The following NRDC variants were observed in gnomAD, a reference collection of about 807,000 sequenced individuals.
The protein encoded by NRDC is nardilysin.
Under a neutral mutation model 147.1 loss-of-function variants are expected in NRDC, and 54 were observed. That is an observed-to-expected ratio of 0.37 (90% CI 0.29 to 0.46). NRDC has a LOEUF of 0.46. Ranked by LOEUF, NRDC falls within the 20% of genes least tolerant of loss-of-function variation. The pLI is 1.00. For synonymous variants in NRDC, 440 were observed against 482.1 expected, an observed-to-expected ratio of 0.91 and a Z score of 1.14; for missense variants, 1,082 against 1,370.6, an observed-to-expected ratio of 0.79 and a Z score of 3.33.
chr1:51,847,903 G>A (rs1681734107), intron 1 of NRDC, among the ~76,000 whole-genome samples: 1 of 152,262 alleles, frequency 6.6e-6, no homozygotes, highest in African/African-American at 2.4e-5. Context: ...CGAGGGCTGT[G>A]AGGGCTGCCA....
At chr1:51,856,734 T>A (rs375264203) in intron 1 of NRDC, among the ~76,000 whole-genome samples, 2 of 151,956 alleles carry the variant, frequency 1.3e-5, no homozygotes, top group African/African-American at 4.8e-5. Flanking sequence ...CCTCCAAGGA[T>A]AGGGTGGGAC....
At chr1:51,871,783 C>T (rs1446821193) in intron 1 of NRDC, among the ~76,000 whole-genome samples, 1 of 152,134 alleles carries the variant, frequency 6.6e-6, no homozygotes, top group African/African-American at 2.4e-5. Flanking sequence ...TATCTGCTCC[C>T]TGACTCTCCT....
At chr1:51,791,023 CA>C (rs778318068) in intron 27 of NRDC, 33 bp from the exon 28 acceptor site, 1 of 1,466,318 alleles carries the variant, frequency 6.8e-7, no homozygotes, top group Non-Finnish European at 9.5e-7. Flanking sequence ...AGAACTAAAA[CA>C]AAACATCTTC....
chr1:51,800,408 G>A (rs1679137571), intron 21 of NRDC, 148 bp downstream of exon 21: 7 of 827,578 alleles, frequency 8.5e-6, no homozygotes, highest in Non-Finnish European at 1.3e-5. Context: ...ATACCGTAAC[G>A]CTATGCACGG....
In NRDC at chr1:51,831,751, G is replaced by A. The variant is rs373296039; in HGVS notation, c.866+2266C>T. On this transcript the variant is annotated intron_variant, in intron 4 of 30. Transcript: ENST00000352171. ...GCGCCACCACACCCAGCTAATTTTT[G>A]TATTTTTAGTAGAGATGGGGTTTCA... Among the ~76,000 whole-genome samples, 12 of 151,708 alleles carry A rather than the reference G, an allele frequency of 7.9e-5. No individual in the cohort carries two copies. In the South Asian group the frequency reaches 2.5e-3, roughly 32 times the overall value.
At chr1:51,806,704 A>G (rs908400066) in intron 18 of NRDC, 90 bp downstream of exon 18, 29 of 1,377,702 alleles carry the variant, frequency 2.1e-5, no homozygotes, top group Non-Finnish European at 2.6e-5. Flanking sequence ...AGGAAGATCA[A>G]AATAGCAAGT....
intron 2 of NRDC, among the ~76,000 whole-genome samples, chr1:51,836,899 T>C (rs1681005348): frequency 6.6e-6 from 1 of 151,984 alleles, no homozygotes; most frequent in Non-Finnish European, 1.5e-5. Flanking sequence ...TTTAACAAAA[T>C]TGATGGCCAA....
At chr1:51,828,052 T>G (rs1036058146) in intron 4 of NRDC, among the ~76,000 whole-genome samples, 183 bp from the exon 5 acceptor site, 1 of 152,232 alleles carries the variant, frequency 6.6e-6, no homozygotes, top group Non-Finnish European at 1.5e-5. Context: ...ACTTTTTCAT[T>G]GTGAAATATA....
At chr1:51,871,419 C>T (rs1367427140) in intron 1 of NRDC, among the ~76,000 whole-genome samples, 1 of 147,986 alleles carries the variant, frequency 6.8e-6, no homozygotes, top group Non-Finnish European at 1.5e-5. Flanking sequence ...AATAATTTCT[C>T]GAGTCTCCAA....
intron 1 of NRDC, among the ~76,000 whole-genome samples, chr1:51,857,816 A>C (rs1488322941): frequency 6.6e-6 from 1 of 152,170 alleles, no homozygotes; most frequent in East Asian, 1.9e-4. Flanking sequence ...AAATTTGCAG[A>C]GATTTTTGTG....
rs1455998791 is a variant in NRDC, at chr1:51,789,369, G to A, written c.3323C>T (p.Ser1108Phe). Reference protein sequence around the residue: ...DGTPSSEDSNSSCEVMQLTYL... With the variant: ...DGTPSSEDSNFSCEVMQLTYL... Reference sequence around the variant, plus strand: ...GGTCAGCTGCATCACTTCACAAGAAGAATTTGAATCCTCACTAGAAGGGGT... The same window carrying A: ...GGTCAGCTGCATCACTTCACAAGAAAAATTTGAATCCTCACTAGAAGGGGT... The change falls in exon 31 of 31, where the codon TCT becomes TTT. Residue 1108 changes from serine (S) to phenylalanine (F), a missense_variant. Ser to Phe is a radical substitution (Grantham distance 155). This residue lies in a region of NRDC where 187 missense variants were observed against 193.6 expected (regional missense o/e 0.97). Transcript: ENST00000352171. 1 of 1,614,122 alleles carries A rather than the reference G, an allele frequency of 6.2e-7. No individual in the cohort carries two copies.
intron 1 of NRDC, among the ~76,000 whole-genome samples, chr1:51,872,181 A>G (rs2124136181): frequency 6.6e-6 from 1 of 152,210 alleles, no homozygotes; most frequent in South Asian, 2.1e-4. Context: ...AGAAAAACAG[A>G]GAGTTTTTTG....
chr1:51,870,652 ACTTC>A (rs1266475312), intron 1 of NRDC, among the ~76,000 whole-genome samples: 3 of 152,216 alleles, frequency 2.0e-5, no homozygotes, highest in African/African-American at 7.2e-5. Flanking sequence ...CATACTCGTT[ACTTC>A]CTTCACTTTA....
rs369857992 is a variant in NRDC at position 51,803,913 on chromosome 1, T to C, written c.2214A>G (p.Glu738=). Residue 738 remains glutamate (E), a synonymous_variant, in exon 20 of 31, where the codon GAA becomes GAG. Coordinates refer to ENST00000352171, the MANE Select transcript of NRDC (RefSeq NM_001101662.2). ...FVNILTHNLA[E]PAYEADVAQL... is the part of the protein sequence containing the mutation. ...GTGCCACATCTGCTTCATAAGCTGG[T>C]TCCGCAAGGTTATGCGTAAGGATAT... 6 of 1,613,394 alleles carry C rather than the reference T, an allele frequency of 3.7e-6. No homozygotes were observed. Among genetic ancestry groups the C allele is most frequent in the Middle Eastern group, 1.6e-4 (1 of 6,078 alleles).
chr1:51,789,520 C>G, intron 30 of NRDC, 48 bp downstream of exon 30: 1 of 1,587,586 alleles, frequency 6.3e-7, no homozygotes, highest in South Asian at 1.1e-5. Flanking sequence ...CAAACTCACT[C>G]AGTAAATGAC....
intron 17 of NRDC, among the ~76,000 whole-genome samples, chr1:51,808,123 C>CT (rs1295067982): frequency 6.6e-6 from 1 of 151,694 alleles, no homozygotes; most frequent in Admixed American, 6.6e-5. Flanking sequence ...TTTTAAAAGG[C>CT]TTTTTTTCCC....
chr1:51,821,444 A>AT, intron 8 of NRDC, 54 bp downstream of exon 8: 1 of 1,253,808 alleles, frequency 8.0e-7, no homozygotes, highest in Non-Finnish European at 1.2e-6. Flanking sequence ...CTCATACAAG[A>AT]TAATGGTCTC....
chr1:51,870,880 CTTT>C (rs1032056412), intron 1 of NRDC, among the ~76,000 whole-genome samples: 14 of 151,924 alleles, frequency 9.2e-5, no homozygotes, highest in African/African-American at 2.7e-4. Context: ...TCTACTGATT[CTTT>C]TTTTCTCAAG....
At chr1:51,835,475 T>G (rs1490896553) in intron 3 of NRDC, among the ~76,000 whole-genome samples, 1 of 146,974 alleles carries the variant, frequency 6.8e-6, no homozygotes, top group South Asian at 2.1e-4. Context: ...TTGTTTTTTT[T>G]TTTTTTTTTT....
Sources: allele counts gnomAD v4.1 joint callset (sites outside exome capture counted in the v4.1 genomes callset), GRCh38; gene constraint gnomAD v4.1.1; regional missense constraint gnomAD v4.1.1; transcripts MANE v1.5; gene names NCBI Gene and HGNC (gene_info 2026-07-23, HGNC 2026-07-21).